The following ZBED6 variants were observed in gnomAD, a reference collection of about 807,000 sequenced individuals.
The protein encoded by ZBED6 is zinc finger BED domain-containing protein 6.
A neutral mutation model predicts 58.4 loss-of-function variants in ZBED6; 40 were observed. That is an observed-to-expected ratio of 0.68 (90% CI 0.53 to 0.89). The LOEUF is 0.89. Ranked by LOEUF, ZBED6 falls within the 40% of genes least tolerant of loss-of-function variation. The pLI, the probability that ZBED6 is intolerant of heterozygous loss-of-function variation, is 0.00. For missense variants in ZBED6, 1,057 were observed against 1,003.9 expected (o/e 1.05, Z -0.71); for synonymous variants, 439 against 350.6 (o/e 1.25, Z -2.82).
chr1:203,832,822 G>C (rs72745774), intron 8 of ZBED6, among the ~76,000 whole-genome samples: 1 of 152,310 alleles, frequency 6.6e-6, no homozygotes, highest in African/African-American at 2.4e-5. Flanking sequence ...AGTTAACATC[G>C]GAGTAGAGTA....
chr1:203,799,372 G>C (rs1669800784), exon 1 of ZBED6: 1 of 703,658 alleles, frequency 1.4e-6, no homozygotes, highest in Non-Finnish European at 2.6e-6. Flanking sequence ...CATCATTTTA[G>C]TCATTCGGTC....
intron 13 of ZBED6, among the ~76,000 whole-genome samples, chr1:203,849,376 C>T (rs1048236931): frequency 6.6e-6 from 1 of 152,118 alleles, no homozygotes; most frequent in Non-Finnish European, 1.5e-5. Context: ...CAGTCTTTTT[C>T]TGGACATTCA....
Position 203,797,473 on chromosome 1 carries a change from T to TA in ZBED6, c.-48dup, listed in dbSNP as rs1668932593. ...AGGAACAGCTGTATTTCTGCTTGAG[T>TA]AATAAACCCACTAACAGATTCTGGT... On this transcript the variant is annotated 5_prime_UTR_variant, in exon 1 of 17. An upstream open reading frame in the 5' UTR gains an earlier in-frame stop. Transcript: ENST00000550078. The TA allele has an allele frequency of 7.0e-7, 1 of 1,437,336 alleles. No homozygotes were observed. The highest frequency in any genetic ancestry group is 9.1e-7 in the Non-Finnish European group (1 of 1,100,220). The allele number at this position is 1,437,336 out of a possible 1,614,324, so 89.0% of individuals were successfully genotyped here. A position where few individuals can be genotyped will look rare whatever the true frequency, so the allele number is the denominator to read the frequency against.
At chr1:203,829,073 T>C (rs929871343) in intron 4 of ZBED6, among the ~76,000 whole-genome samples, 4 of 152,266 alleles carry the variant, frequency 2.6e-5, no homozygotes, top group Non-Finnish European at 5.9e-5. Flanking sequence ...AGTAGACTTA[T>C]TCCTTTCTGG....
intron 14 of ZBED6, 113 bp from the exon 15 acceptor site, chr1:203,850,402 A>C (rs1688983612): frequency 6.9e-7 from 1 of 1,458,442 alleles, no homozygotes; most frequent in South Asian, 1.1e-5. Context: ...TTTTTAAATG[A>C]ATTATTTGTG....
At position 203,798,432 on chromosome 1, in the gene ZBED6, T is replaced by TC. The variant is rs1306819610; in HGVS notation, c.911dup (p.Thr305AsnfsTer30). The TC allele has an allele frequency of 6.5e-7, 1 of 1,535,366 alleles. No homozygotes were observed. Among genetic ancestry groups the TC allele is most frequent in the Non-Finnish European group, 8.7e-7 (1 of 1,146,340 alleles). On this transcript the variant is annotated frameshift_variant, in exon 1 of 17. Transcript: ENST00000550078. LOFTEE classifies it high-confidence loss of function. ...TAGGCCAGGGTCCCACTTAGGGACT[T>TC]CAACACTTCAACGACACCTGCAAGC... is the stretch of plus-strand genomic sequence containing the variant.
chr1:203,799,217 T>G, exon 1 of ZBED6: 1 of 960,178 alleles, frequency 1.0e-6, no homozygotes, highest in Non-Finnish European at 1.6e-6. Flanking sequence ...TTTCTGACAA[T>G]TCCTCTAATG....
At chr1:203,799,857 G>A in exon 1 of ZBED6, 1 of 1,533,542 alleles carries the variant, frequency 6.5e-7, no homozygotes, top group South Asian at 1.2e-5. Context: ...AAACAGTTTG[G>A]AAGACTTTTT....
At chr1:203,843,557 A>C (rs1687069662) in intron 11 of ZBED6, among the ~76,000 whole-genome samples, 1 of 152,222 alleles carries the variant, frequency 6.6e-6, no homozygotes, top group Admixed American at 6.5e-5. Flanking sequence ...ATAACTTTGC[A>C]GTCCACAGTA....
intron 3 of ZBED6, among the ~76,000 whole-genome samples, chr1:203,819,244 C>T (rs1328984845): frequency 2.9e-5 from 4 of 137,482 alleles, no homozygotes; most frequent in Non-Finnish European, 4.6e-5. Context: ...TTTTTTGAAA[C>T]GGAGTCTCAC....
At chr1:203,842,299 C>G (rs963449118) in intron 11 of ZBED6, among the ~76,000 whole-genome samples, 6 of 152,200 alleles carry the variant, frequency 3.9e-5, no homozygotes, top group African/African-American at 1.4e-4. Flanking sequence ...TGCACTCCAG[C>G]CTGGGCAACA....
intron 15 of ZBED6, 152 bp downstream of exon 15, chr1:203,850,833 C>A: frequency 8.0e-7 from 1 of 1,247,062 alleles, no homozygotes; most frequent in Non-Finnish European, 1.1e-6. Context: ...TTTATACTTA[C>A]AGTTTGATAT....
exon 11 of ZBED6, chr1:203,840,367 T>C (rs769439350): frequency 4.3e-6 from 7 of 1,612,600 alleles, no homozygotes; most frequent in Non-Finnish European, 5.9e-6. Flanking sequence ...ATAATGAGGA[T>C]GCAACAGGTA....
At chr1:203,848,201 A>G in intron 12 of ZBED6, 130 bp from the exon 13 acceptor site, 1 of 781,686 alleles carries the variant, frequency 1.3e-6, no homozygotes, top group Non-Finnish European at 2.1e-6. Context: ...TTAGGAGCAC[A>G]GATGGGCTTT....
chr1:203,815,211 C>CTTT (rs199677164), intron 1 of ZBED6, among the ~76,000 whole-genome samples: 2 of 59,402 alleles, frequency 3.4e-5, no homozygotes, highest in African/African-American at 9.5e-5. Flanking sequence ...TCTTCCTTTT[C>CTTT]TTTTCTTTTT....
chr1:203,842,225 G>A (rs1012134026), intron 11 of ZBED6, among the ~76,000 whole-genome samples: 1 of 152,180 alleles, frequency 6.6e-6, no homozygotes, highest in Non-Finnish European at 1.5e-5. Flanking sequence ...TGCAATCTCA[G>A]CACTTTGGGA....
At chr1:203,837,708 C>A (rs1684818695) in intron 9 of ZBED6, among the ~76,000 whole-genome samples, 1 of 152,030 alleles carries the variant, frequency 6.6e-6, no homozygotes, top group Non-Finnish European at 1.5e-5. Context: ...GAACTCCTGG[C>A]CTTAAGTGAT....
chr1:203,816,198 A>G (rs180829879), intron 1 of ZBED6, among the ~76,000 whole-genome samples: 1 of 152,336 alleles, frequency 6.6e-6, no homozygotes, highest in East Asian at 1.9e-4. Context: ...ATTCTACTTT[A>G]TCATATTTTG....
In ZBED6 at chr1:203,829,761, C is replaced by T. The variant is rs2103014062; in HGVS notation, c.*3202-19C>T. The T allele has an allele frequency of 6.2e-7, 1 of 1,613,190 alleles. No individual in the cohort carries two copies. The highest frequency in any genetic ancestry group is 8.5e-7 in the Non-Finnish European group (1 of 1,179,264). On this transcript the variant is annotated intron_variant, in intron 5 of 16. Coordinates refer to ENST00000550078, the Ensembl canonical transcript of ZBED6. ...GGCGTATTTTTAATTGTGAATTTGC[C>T]TTAAATGTTGATATATAGATCAGTT...
Sources: allele counts gnomAD v4.1 joint callset (sites outside exome capture counted in the v4.1 genomes callset), GRCh38; gene constraint gnomAD v4.1.1; transcripts MANE v1.5; gene names NCBI Gene and HGNC (gene_info 2026-07-23, HGNC 2026-07-21).